Variants in PCDH11X observed in about 807,000 individuals in gnomAD.
PCDH11X encodes protocadherin 11 X-linked.
Under a neutral mutation model 53.3 loss-of-function variants are expected in PCDH11X, and 18 were observed. The observed-to-expected ratio is 0.34, with a 90% CI of 0.23 to 0.50. The LOEUF (loss-of-function observed/expected upper bound fraction) is 0.50, where lower values mean the gene tolerates loss of function less well. Among genes scored for constraint, PCDH11X ranks in the 20% least tolerant of loss-of-function variants. The pLI, the probability that PCDH11X is intolerant of heterozygous loss-of-function variation, is 0.98. For synonymous variants in PCDH11X, 279 were observed against 393.3 expected, an observed-to-expected ratio of 0.71 and a Z score of 3.44; for missense variants, 570 against 1,032.4, an observed-to-expected ratio of 0.55 and a Z score of 6.14.
chrX:92,517,182 T>G lies in PCDH11X; in HGVS notation c.3367+48860T>G, dbSNP rs2557079. ...GAACCTTCCCTATTCTACCCTATCC[T>G]ATAACTTTTATCCTCCCTTCTTTTG... On this transcript the variant is annotated intron_variant, in intron 10 of 10. Transcript: ENST00000682573. Among the ~76,000 whole-genome samples the G allele has an allele frequency of 2.1e-3, 229 of 109,437 alleles. 1 individual carries two copies. The highest frequency in any genetic ancestry group is 7.3e-3 in the African/African-American group (220 of 30,281).
Position 92,385,526 on chromosome X carries a change from A to G in PCDH11X, c.3145-2209A>G, listed in dbSNP as rs1404149922. Among the ~76,000 whole-genome samples, 3 of 105,145 alleles carry G rather than the reference A, an allele frequency of 2.9e-5. No homozygotes were observed. In the South Asian group the frequency reaches 1.2e-3, roughly 43 times the overall value. The allele number at this position is 105,145 out of a possible 115,157, so 91.3% of individuals were successfully genotyped here. Reference sequence around the variant, plus strand: ...CTTCACAGCTTCCACACAACCTAACACTCATCCCCCAAAAAACTAAAACCA... The same window carrying G: ...CTTCACAGCTTCCACACAACCTAACGCTCATCCCCCAAAAAACTAAAACCA... On this transcript the variant is annotated intron_variant, in intron 8 of 10. Transcript: ENST00000682573.
chrX:92,524,825 A>T (rs2148719841), intron 10 of PCDH11X, among the ~76,000 whole-genome samples: 1 of 111,504 alleles, frequency 9.0e-6, no homozygotes, highest in African/African-American at 3.3e-5. Flanking sequence ...GTACAAGTGT[A>T]TGTGTATAGT....
chrX:92,567,430 G>T (rs1254940380), intron 10 of PCDH11X, among the ~76,000 whole-genome samples: 2 of 94,891 alleles, frequency 2.1e-5, no homozygotes, highest in East Asian at 3.2e-4. Flanking sequence ...CTCTTTGCTT[G>T]CCTGTTGTTG....
chrX:92,023,659 A>G (rs2062925364), intron 6 of PCDH11X, among the ~76,000 whole-genome samples: 1 of 103,044 alleles, frequency 9.7e-6, no homozygotes, highest in Admixed American at 1.1e-4. Context: ...TCCCTAACTC[A>G]TTTTATGAGG....
chrX:92,055,786 A>G (rs1254451838), intron 6 of PCDH11X, among the ~76,000 whole-genome samples: 6 of 110,783 alleles, frequency 5.4e-5, no homozygotes, highest in Non-Finnish European at 1.1e-4. Flanking sequence ...GCTCCCAATT[A>G]TAAGTCAGAC....
intron 10 of PCDH11X, among the ~76,000 whole-genome samples, chrX:92,521,639 T>C (rs1380541068): frequency 9.0e-6 from 1 of 111,476 alleles, no homozygotes; most frequent in East Asian, 2.8e-4. Context: ...CTCTGAAGCT[T>C]TGAAGCTAGG....
At chrX:92,265,395 G>A (rs2067807821) in intron 8 of PCDH11X, among the ~76,000 whole-genome samples, 1 of 110,644 alleles carries the variant, frequency 9.0e-6, no homozygotes, top group Admixed American at 9.7e-5. Flanking sequence ...GGGCCCGTGG[G>A]AAGGCGAAAA....
rs766210673 is a variant in PCDH11X, at chrX:91,878,224, A to C, written c.1984A>C (p.Asn662His). The C allele has an allele frequency of 6.6e-6, 8 of 1,209,993 alleles. No individual in the cohort carries two copies. Among genetic ancestry groups the C allele is most frequent in the Non-Finnish European group, 8.9e-6 (8 of 894,906 alleles). Residue 662 changes from asparagine to histidine, a missense_variant, in exon 6 of 11, where the codon AAT becomes CAT. Physicochemically the swap from Asn to His is moderately conservative, Grantham distance 68 (BLOSUM62 1). Around this residue, in one of 6 missense-constraint regions of PCDH11X, gnomAD observed 226 missense variants for 457.5 expected, o/e 0.49. Coordinates refer to ENST00000682573, the MANE Select transcript of PCDH11X (RefSeq NM_032968.5). ...TTCTTCAAGTGCCAAAGTAACCATA[A>C]ATGTGGTTGATGTCAATGACAACAA... ...SRSSSAKVTI[N>H]VVDVNDNKPV...
chrX:92,408,082 A>G (rs2071562110), intron 9 of PCDH11X, among the ~76,000 whole-genome samples: 1 of 110,543 alleles, frequency 9.0e-6, no homozygotes, highest in Admixed American at 9.7e-5. Flanking sequence ...ACGGGGTTTT[A>G]CCATGTTGGC....
At chrX:91,892,572 T>A (rs1602442758) in intron 6 of PCDH11X, among the ~76,000 whole-genome samples, 1 of 111,217 alleles carries the variant, frequency 9.0e-6, no homozygotes, top group Admixed American at 9.7e-5. Context: ...GATGCCTCCA[T>A]AAATCTGCAC....
chrX:91,818,425 C>A, intron 4 of PCDH11X, among the ~76,000 whole-genome samples: 1 of 110,333 alleles, frequency 9.1e-6, no homozygotes. Context: ...GTGGACTGGG[C>A]ACGATGGCTC....
chrX:92,158,230 A>G (rs1205470859), intron 6 of PCDH11X, among the ~76,000 whole-genome samples: 1 of 111,544 alleles, frequency 9.0e-6, no homozygotes, highest in African/African-American at 3.3e-5. Flanking sequence ...ACAAAACAAA[A>G]CAAAAATCAA....
intron 9 of PCDH11X, among the ~76,000 whole-genome samples, chrX:92,422,768 C>A (rs1410487779): frequency 9.0e-6 from 1 of 111,411 alleles, no homozygotes; most frequent in African/African-American, 3.3e-5. Flanking sequence ...GTTTACACTC[C>A]CACCAACCAT....
intron 6 of PCDH11X, among the ~76,000 whole-genome samples, chrX:91,970,215 C>T (rs2061935451): frequency 9.0e-6 from 1 of 111,269 alleles, no homozygotes; most frequent in Admixed American, 9.6e-5. Flanking sequence ...AAATTTACTG[C>T]ACAGAGTGAA....
At chrX:92,191,114 G>A (rs373636291) in intron 6 of PCDH11X, among the ~76,000 whole-genome samples, 11 of 111,494 alleles carry the variant, frequency 9.9e-5, no homozygotes, top group Admixed American at 5.8e-4. Context: ...CCCCAATTAA[G>A]CTAACATGGA....
At chrX:92,239,666 C>T (rs1380019343) in intron 7 of PCDH11X, among the ~76,000 whole-genome samples, 1 of 111,484 alleles carries the variant, frequency 9.0e-6, no homozygotes, top group Non-Finnish European at 1.9e-5. Flanking sequence ...TTAAGGGAAC[C>T]AACTGTCTGA....
At chrX:92,545,490 T>C (rs758458108) in intron 10 of PCDH11X, among the ~76,000 whole-genome samples, 6 of 103,054 alleles carry the variant, frequency 5.8e-5, no homozygotes, top group Non-Finnish European at 1.2e-4. Flanking sequence ...TAAGCTCCGC[T>C]TCCCGGGTTC....
intron 10 of PCDH11X, among the ~76,000 whole-genome samples, chrX:92,567,963 A>G (rs1017735957): frequency 7.3e-5 from 8 of 109,769 alleles, no homozygotes; most frequent in African/African-American, 2.3e-4. Flanking sequence ...TTACATATGT[A>G]GCAAACCTGC....
At chrX:91,983,209 G>A (rs775661119) in intron 6 of PCDH11X, 107 of 806,973 alleles carry the variant, frequency 1.3e-4, no homozygotes, top group South Asian at 1.2e-3. Flanking sequence ...AGGATGAATC[G>A]AAGGTCAGCT....
Sources: gnomAD v4.1 joint callset for allele counts (sites outside exome capture counted in the v4.1 genomes callset) on GRCh38, gnomAD v4.1.1 for gene constraint, gnomAD v4.1.1 regional missense constraint, MANE v1.5 for transcripts, NCBI Gene and HGNC (gene_info 2026-07-23, HGNC 2026-07-21) for gene names.